NFASC: variants seen among roughly 807,000 people sequenced by gnomAD.
The protein encoded by NFASC is neurofascin.
A neutral mutation model predicts 147.5 loss-of-function variants in NFASC; 43 were observed. That is an observed-to-expected ratio of 0.29 (90% CI 0.23 to 0.38). The LOEUF (loss-of-function observed/expected upper bound fraction) is 0.38, where lower values mean the gene tolerates loss of function less well. Among genes scored for constraint, NFASC ranks in the 10% least tolerant of loss-of-function variants. NFASC has a pLI of 1.00. For synonymous variants in NFASC, 622 were observed against 665.5 expected, an observed-to-expected ratio of 0.93 and a Z score of 1.01; for missense variants, 1,320 against 1,689.0, an observed-to-expected ratio of 0.78 and a Z score of 3.83.
chr1:204,939,348 G>A (rs1431487942), intron 2 of NFASC, among the ~76,000 whole-genome samples: 1 of 152,008 alleles, frequency 6.6e-6, no homozygotes, highest in Non-Finnish European at 1.5e-5. Context: ...TGGTATTGTG[G>A]CACGGCTGCA....
At chr1:204,835,431 G>A (rs1307808360) in intron 1 of NFASC, among the ~76,000 whole-genome samples, 1 of 151,980 alleles carries the variant, frequency 6.6e-6, no homozygotes, top group South Asian at 2.1e-4. Flanking sequence ...GTTTCACCAT[G>A]TTGGCCAGGC....
intron 11 of NFASC, among the ~76,000 whole-genome samples, 169 bp from the exon 12 acceptor site, chr1:204,973,107 G>A (rs1023665369): frequency 6.6e-6 from 1 of 152,246 alleles, no homozygotes; most frequent in African/African-American, 2.4e-5. Context: ...AAGGGCTCAA[G>A]GTCACACACA....
At chr1:204,961,631 T>A (rs1388097555) in intron 8 of NFASC, among the ~76,000 whole-genome samples, 1 of 152,256 alleles carries the variant, frequency 6.6e-6, no homozygotes, top group Non-Finnish European at 1.5e-5. Context: ...GCAGCTTAGC[T>A]TCTGCCCAGG....
rs1007149528 is a variant in NFASC at position 204,954,686 on chromosome 1, C to T, written c.413-143C>T. On this transcript the variant is annotated intron_variant, in intron 6 of 29. Transcript: ENST00000339876. This position sits in a 1 kb window ranked among gnomAD's most constrained non-coding sequence, Gnocchi z 5.7. Reference sequence around the variant, plus strand: ...AAGGGCGGCCCCTTGAGTAGGCTCACGTGCCCCGTCCCTCTCTCTTGCTCC... The same window carrying T: ...AAGGGCGGCCCCTTGAGTAGGCTCATGTGCCCCGTCCCTCTCTCTTGCTCC... 16 of 1,007,740 alleles carry T rather than the reference C, an allele frequency of 1.6e-5. 1 individual carries two copies. In the South Asian group the frequency reaches 1.9e-4, roughly 12 times the overall value. 62.4% of individuals were successfully genotyped at this position (1,007,740 alleles called of 1,614,324 possible).
In NFASC at chr1:204,943,995, G is replaced by A. The variant is rs182800891; in HGVS notation, c.-90-231G>A. Among the ~76,000 whole-genome samples the A allele has an allele frequency of 1.5e-3, 235 of 152,284 alleles. 2 individuals carry two copies. Among genetic ancestry groups the A allele is most frequent in the Non-Finnish European group, 2.0e-3 (139 of 68,022 alleles). On this transcript the variant is annotated intron_variant, in intron 2 of 29. Transcript: ENST00000339876. Reference sequence around the variant, plus strand: ...GGGGTGGGCTGTACTGGCTTCTATCGGGTAGAGGTCAGAGATGCTGCTAAA... The same window carrying A: ...GGGGTGGGCTGTACTGGCTTCTATCAGGTAGAGGTCAGAGATGCTGCTAAA...
chr1:204,981,882 A>G lies in NFASC; in HGVS notation c.2332A>G (p.Asn778Asp). 1 of 1,607,558 alleles carries G rather than the reference A, an allele frequency of 6.2e-7. No homozygotes were observed. Among genetic ancestry groups the G allele is most frequent in the Non-Finnish European group, 8.5e-7 (1 of 1,177,058 alleles). ...RRRETREAWN[N>D]VTVWGSRYVV... Reference sequence around the variant, plus strand: ...GAGAGAGACTCGAGAGGCCTGGAACAACGTCACAGTGTGGGGCTCTCGCTA... The same window carrying G: ...GAGAGAGACTCGAGAGGCCTGGAACGACGTCACAGTGTGGGGCTCTCGCTA... The change falls in exon 21 of 30, where the codon AAC becomes GAC. Residue 778 changes from asparagine (N) to aspartate (D), a missense_variant. By Grantham distance (23) the Asn-to-Asp change is conservative (BLOSUM62 1). Coordinates refer to ENST00000339876, the MANE Select transcript of NFASC (RefSeq NM_001005388.3).
At chr1:204,916,680 G>A (rs369474319) in intron 1 of NFASC, among the ~76,000 whole-genome samples, 1 of 152,138 alleles carries the variant, frequency 6.6e-6, no homozygotes, top group South Asian at 2.1e-4. Context: ...ATAAGAACAT[G>A]TGGGTTTGAC....
intron 27 of NFASC, among the ~76,000 whole-genome samples, chr1:205,007,348 A>C (rs994943047): frequency 2.7e-5 from 4 of 149,768 alleles, no homozygotes; most frequent in Non-Finnish European, 5.9e-5. Flanking sequence ...GTGAGCTATG[A>C]TAACACCACT....
rs978886128 is a variant in NFASC, at chr1:204,954,534, C to T, written c.412+150C>T. 3.9e-6 allele frequency: 3 copies of T among 771,972 alleles called. No individual in the cohort carries two copies. Among genetic ancestry groups the T allele is most frequent in the Non-Finnish European group, 6.1e-6 (3 of 490,096 alleles). The allele number at this position is 771,972 out of a possible 1,614,324, so 47.8% of individuals were successfully genotyped here. A position where few individuals can be genotyped will look rare whatever the true frequency, so the allele number is the denominator to read the frequency against. ...GCATCTTCCCCACCTCAGAATGATT[C>T]CCTGGAAAGGAAGCTCCCAAAGCTT... On this transcript the variant is annotated intron_variant, in intron 6 of 29. Coordinates refer to ENST00000339876, the MANE Select transcript of NFASC (RefSeq NM_001005388.3). This position sits in a 1 kb window ranked among gnomAD's most constrained non-coding sequence, Gnocchi z 5.7.
chr1:204,925,528 C>G (rs2091340645), intron 2 of NFASC, among the ~76,000 whole-genome samples: 1 of 152,182 alleles, frequency 6.6e-6, no homozygotes, highest in Non-Finnish European at 1.5e-5. Context: ...CAGCCCTGTT[C>G]TGCTTTGAGT....
intron 21 of NFASC, chr1:204,984,369 GTA>G: frequency 1.1e-5 from 2 of 179,358 alleles, no homozygotes; most frequent in Non-Finnish European, 1.1e-5. Context: ...GTGTGTGTGT[GTA>G]TATATATACG....
chr1:204,976,686 C>T lies in NFASC; in HGVS notation c.1722C>T (p.Asp574=), dbSNP rs55726173. The change falls in exon 16 of 30, where the codon GAC becomes GAT. Residue 574 remains aspartate (D), a synonymous_variant. Transcript: ENST00000339876. ...ACCTTTGCAGGATGAAGAAGGAAGA[C>T]GACTCCCTGACCATCTTTGGGGTGG... ...LYIGNRMKKE[D]DSLTIFGVAE... is the part of the protein sequence containing the mutation. 5.9e-3 allele frequency: 9,544 copies of T among 1,613,316 alleles called. 52 individuals carry two copies. The highest frequency in any genetic ancestry group is 0.011 in the East Asian group (498 of 44,868).
chr1:205,014,529 T>A (rs552133308), intron 29 of NFASC, among the ~76,000 whole-genome samples: 1 of 152,172 alleles, frequency 6.6e-6, no homozygotes, highest in Non-Finnish European at 1.5e-5. Context: ...CTCCCCTATA[T>A]CCATCCACCT....
intron 10 of NFASC, among the ~76,000 whole-genome samples, chr1:204,969,655 A>G (rs2095143500): frequency 1.3e-5 from 2 of 152,232 alleles, no homozygotes; most frequent in Admixed American, 1.3e-4. Context: ...AGGAGTTCTT[A>G]GACTTTGAGG....
intron 8 of NFASC, among the ~76,000 whole-genome samples, chr1:204,964,605 A>C (rs1378113002): frequency 6.6e-6 from 1 of 152,224 alleles, no homozygotes; most frequent in East Asian, 1.9e-4. Context: ...AAGGTATCAA[A>C]TATTACTAGA....
At chr1:204,840,204 A>T (rs1044573335) in intron 1 of NFASC, among the ~76,000 whole-genome samples, 1 of 152,168 alleles carries the variant, frequency 6.6e-6, no homozygotes, top group South Asian at 2.1e-4. Context: ...CCCATCTGCA[A>T]ACTGCACTTT....
rs1047212343 is a variant in NFASC at position 204,831,022 on chromosome 1, G to T, written c.-200+2240G>T. Reference sequence around the variant, plus strand: ...CTCCAGCGTGAGAGGGGGTGGGGCTGGAAGCTTTCCCTGGCATCAGTGCCT... The same window carrying T: ...CTCCAGCGTGAGAGGGGGTGGGGCTTGAAGCTTTCCCTGGCATCAGTGCCT... On this transcript the variant is annotated intron_variant, in intron 1 of 29. Transcript: ENST00000339876. Among the ~76,000 whole-genome samples the T allele has an allele frequency of 2.6e-5, 4 of 152,040 alleles. No individual in the cohort carries two copies. In the South Asian group the frequency reaches 8.3e-4, roughly 32 times the overall value.
At chr1:204,923,689 C>G (rs2090968605) in intron 2 of NFASC, among the ~76,000 whole-genome samples, 1 of 152,160 alleles carries the variant, frequency 6.6e-6, no homozygotes, top group South Asian at 2.1e-4. Context: ...TCTTCCCCAC[C>G]TGCTGCCCCC....
chr1:204,941,568 C>A (rs2093365186), intron 2 of NFASC, among the ~76,000 whole-genome samples: 1 of 152,224 alleles, frequency 6.6e-6, no homozygotes, highest in Non-Finnish European at 1.5e-5. Context: ...CCTGCTGCCC[C>A]TGCTGTGCCT....
Sources: gnomAD v4.1 joint callset for allele counts (sites outside exome capture counted in the v4.1 genomes callset) on GRCh38, gnomAD v4.1.1 for gene constraint, Gnocchi (gnomAD v3.1) non-coding constraint, MANE v1.5 for transcripts, NCBI Gene and HGNC (gene_info 2026-07-23, HGNC 2026-07-21) for gene names.